Variants in IL2RA observed in about 807,000 individuals in gnomAD.
IL2RA encodes the protein interleukin-2 receptor subunit alpha.
IL2RA carries 24 observed loss-of-function variants against 37.8 expected under a neutral mutation model. The observed-to-expected ratio is 0.63, with a 90% confidence interval of 0.46 to 0.89. The LOEUF (loss-of-function observed/expected upper bound fraction) is 0.89, where lower values mean the gene tolerates loss of function less well. IL2RA is among the 40% of genes least tolerant of loss of function. The probability of loss-of-function intolerance (pLI) is 0.00; values close to 1 mark genes in which losing one functional copy is unlikely to be tolerated. For missense variants in IL2RA, 319 were observed against 348.6 expected, an observed-to-expected ratio of 0.92 and a Z score of 0.68; for synonymous variants, 125 against 114.6, an observed-to-expected ratio of 1.09 and a Z score of -0.58.
chr10:6,033,480 A>T lies in IL2RA; in HGVS notation c.65-7455T>A, dbSNP rs931775431. 2.6e-5 allele frequency among the ~76,000 whole-genome samples: 4 copies of T among 152,224 alleles called. No individual in the cohort carries two copies. Among genetic ancestry groups the T allele is most frequent in the African/African-American group, 7.2e-5 (3 of 41,466 alleles). ...ATATTTATAGTAACTTCTTTCTTTT[A>T]TTAAGCCCCTTCCATTCTAGTACAT... On this transcript the variant is annotated intron_variant, in intron 1 of 7. Coordinates refer to ENST00000379959, the MANE Select transcript of IL2RA (RefSeq NM_000417.3). This position sits in a 1 kb window ranked among gnomAD's most constrained non-coding sequence, Gnocchi z 4.3.
At position 6,020,931 on chromosome 10, in the gene IL2RA, ATGTG is replaced by A. The variant is rs59002005; in HGVS notation, c.583+543_583+546del. On this transcript the variant is annotated intron_variant, in intron 4 of 7. Coordinates refer to ENST00000379959, the MANE Select transcript of IL2RA (RefSeq NM_000417.3). This position sits in a 1 kb window ranked among gnomAD's most constrained non-coding sequence, Gnocchi z 5.6. Reference sequence around the variant, plus strand: ...CGGTGGGCTGAGCATTTGCATGAGTATGTGTGTGTGTGTGTGTGTGTGCGCGCAT... The same window carrying A: ...CGGTGGGCTGAGCATTTGCATGAGTATGTGTGTGTGTGTGTGTGCGCGCAT... 0.018 allele frequency among the ~76,000 whole-genome samples: 2,651 copies of A among 149,820 alleles called. 73 individuals carry two copies. Among genetic ancestry groups the A allele is most frequent in the African/African-American group, 0.06 (2,447 of 40,994 alleles).
chr10:6,060,671 T>C (rs1840109558), intron 1 of IL2RA, among the ~76,000 whole-genome samples: 1 of 152,018 alleles, frequency 6.6e-6, no homozygotes. Flanking sequence ...GCACGAGAAT[T>C]ACTTGAGCCC....
chr10:6,039,444 G>A (rs1057466003), intron 1 of IL2RA: 1 of 152,086 alleles, frequency 6.6e-6, no homozygotes, highest in African/African-American at 2.4e-5. Flanking sequence ...CTTTATGATG[G>A]ATAGGACAGA....
chr10:6,045,909 A>G (rs917485995), intron 1 of IL2RA, among the ~76,000 whole-genome samples: 1 of 152,198 alleles, frequency 6.6e-6, no homozygotes, highest in Admixed American at 6.5e-5. Flanking sequence ...AGTCATCAAA[A>G]ATGATGGCAA....
At chr10:6,040,042 T>C (rs1839747521) in intron 1 of IL2RA, among the ~76,000 whole-genome samples, 1 of 152,202 alleles carries the variant, frequency 6.6e-6, no homozygotes, top group South Asian at 2.1e-4. Context: ...TACAAGAGAC[T>C]ACAGGTAGAA....
chr10:6,041,909 ATT>A (rs1189069766), intron 1 of IL2RA, among the ~76,000 whole-genome samples: 1 of 152,112 alleles, frequency 6.6e-6, no homozygotes, highest in East Asian at 1.9e-4. Flanking sequence ...AACAATACAT[ATT>A]GTTGATAAGG....
At chr10:6,034,830 C>T (rs1391991400) in intron 1 of IL2RA, among the ~76,000 whole-genome samples, 1 of 152,222 alleles carries the variant, frequency 6.6e-6, no homozygotes, top group Non-Finnish European at 1.5e-5. Flanking sequence ...ACGCACTCCC[C>T]CAGCTCACAC....
rs527525530 is a variant in IL2RA at position 6,018,352 on chromosome 10, C to A, written c.728-233G>T. The stretch of plus-strand genomic sequence containing the variant: ...AGGGAGCTTCCCCTCAGGAGGCACC[C>A]TTCTCTCACAAAAGCCCCTCAGAAA... On this transcript the variant is annotated intron_variant, in intron 6 of 7. Coordinates refer to ENST00000379959, the MANE Select transcript of IL2RA (RefSeq NM_000417.3). The surrounding 1 kb of genome is among the most constrained non-coding windows in gnomAD (Gnocchi z 5.1). 3.9e-5 allele frequency among the ~76,000 whole-genome samples: 6 copies of A among 152,050 alleles called. No homozygotes were observed. The highest frequency in any genetic ancestry group is 1.4e-4 in the African/African-American group (6 of 41,386).
chr10:6,029,795 C>T lies in IL2RA; in HGVS notation c.65-3770G>A, dbSNP rs548725973. Among the ~76,000 whole-genome samples the T allele has an allele frequency of 6.6e-6, 1 of 152,094 alleles. No homozygotes were observed. The highest frequency in any genetic ancestry group is 1.5e-5 in the Non-Finnish European group (1 of 68,006). On this transcript the variant is annotated intron_variant, in intron 1 of 7. Transcript: ENST00000379959. The surrounding 1 kb of genome is among the most constrained non-coding windows in gnomAD (Gnocchi z 4.6). ...TCTTGGCTCACTGAAACCTCTGCCT[C>T]CCAGATTCAAGTGATTCTTCTGCCT...
chr10:6,018,781 A>G lies in IL2RA; in HGVS notation c.727+647T>C, dbSNP rs1466506139. Among the ~76,000 whole-genome samples the G allele has an allele frequency of 6.6e-6, 1 of 152,128 alleles. No individual in the cohort carries two copies. Among genetic ancestry groups the G allele is most frequent in the East Asian group, 1.9e-4 (1 of 5,192 alleles). On this transcript the variant is annotated intron_variant, in intron 6 of 7. Transcript: ENST00000379959. The surrounding 1 kb of genome is among the most constrained non-coding windows in gnomAD (Gnocchi z 5.1). ...AATTCTGAGTTACGTCAGTATCTGG[A>G]TTAGTCTTTCACTCACACATTCTGC...
chr10:6,019,584 G>T lies in IL2RA; in HGVS notation c.656-85C>A, dbSNP rs866083954. The stretch of plus-strand genomic sequence containing the variant: ...CTAAAGGAAGTCAGGGTGTCTCTGT[G>T]AATGAGAAGCTCAGAGGCTGGTGGG... On this transcript the variant is annotated intron_variant, in intron 5 of 7. Transcript: ENST00000379959. 3.9e-6 allele frequency: 4 copies of T among 1,033,438 alleles called. No homozygotes were observed. The African/African-American group carries it at 4.7e-5, about 12-fold the overall frequency. 64.0% of individuals were successfully genotyped at this position (1,033,438 alleles called of 1,614,324 possible). A position where few individuals can be genotyped will look rare whatever the true frequency, so the allele number is the denominator to read the frequency against.
chr10:6,062,321 G>C lies in IL2RA; in HGVS notation c.-170C>G. 1 of 606,390 alleles carries C rather than the reference G, an allele frequency of 1.6e-6. No individual in the cohort carries two copies. The highest frequency in any genetic ancestry group is 1.9e-5 in the South Asian group (1 of 53,502). 37.6% of individuals were successfully genotyped at this position (606,390 alleles called of 1,614,324 possible). A position where few individuals can be genotyped will look rare whatever the true frequency, so the allele number is the denominator to read the frequency against. The stretch of plus-strand genomic sequence containing the variant: ...TCCATCCAGTCTCTATCGGAGTCAG[G>C]AGTTGCTCTCTTTAAGTATTGGGCT... On this transcript the variant is annotated 5_prime_UTR_variant, in exon 1 of 8. Transcript: ENST00000379959.
At position 6,011,171 on chromosome 10, in the gene IL2RA, T is replaced by C. The variant is rs1259114643; in HGVS notation, c.*1701A>G. ...TAGTTTCCCAAATGAATAATTTTCG[T>C]TAATGTTAATCGTGTGATGTTGTTG... On this transcript the variant is annotated 3_prime_UTR_variant, in exon 8 of 8. Transcript: ENST00000379959. This position sits in a 1 kb window ranked among gnomAD's most constrained non-coding sequence, Gnocchi z 5.2. 1 of 152,344 alleles carries C rather than the reference T, an allele frequency of 6.6e-6. No homozygotes were observed. Among genetic ancestry groups the C allele is most frequent in the Non-Finnish European group, 1.5e-5 (1 of 68,046 alleles). 9.4% of individuals were successfully genotyped at this position (152,344 alleles called of 1,614,324 possible). A position where few individuals can be genotyped will look rare whatever the true frequency, so the allele number is the denominator to read the frequency against.
At chr10:6,049,108 G>A (rs1453172025) in intron 1 of IL2RA, among the ~76,000 whole-genome samples, 4 of 152,366 alleles carry the variant, frequency 2.6e-5, no homozygotes, top group African/African-American at 9.6e-5. Flanking sequence ...CCCACAATAT[G>A]CCAGCTGGAG....
At chr10:6,034,442 A>ATT (rs12722530) in intron 1 of IL2RA, among the ~76,000 whole-genome samples, 1 of 149,976 alleles carries the variant, frequency 6.7e-6, no homozygotes, top group Non-Finnish European at 1.5e-5. Flanking sequence ...TAAATTTGGG[A>ATT]TTTTTTTTTT....
chr10:6,035,719 C>T lies in IL2RA; in HGVS notation c.65-9694G>A, dbSNP rs1459896309. Among the ~76,000 whole-genome samples, 1 of 152,128 alleles carries T rather than the reference C, an allele frequency of 6.6e-6. No individual in the cohort carries two copies. Among genetic ancestry groups the T allele is most frequent in the African/African-American group, 2.4e-5 (1 of 41,410 alleles). On this transcript the variant is annotated intron_variant, in intron 1 of 7. Transcript: ENST00000379959. This position sits in a 1 kb window ranked among gnomAD's most constrained non-coding sequence, Gnocchi z 5.4. ...CAGTGATCATTAATCCTGAAAATGC[C>T]GAGGGCTTTGGCCTGGGACCCACAC... is the stretch of plus-strand genomic sequence containing the variant.
intron 1 of IL2RA, among the ~76,000 whole-genome samples, chr10:6,032,474 C>T (rs1485049318): frequency 2.0e-5 from 3 of 151,968 alleles, no homozygotes; most frequent in Non-Finnish European, 4.4e-5. Flanking sequence ...GGGCAGATCA[C>T]AAGGTCAGGA....
intron 1 of IL2RA, among the ~76,000 whole-genome samples, chr10:6,031,505 T>C (rs1341737284): frequency 4.7e-5 from 4 of 84,940 alleles, no homozygotes; most frequent in South Asian, 3.7e-4. Flanking sequence ...TATATATATA[T>C]ATATATGTAT....
intron 1 of IL2RA, among the ~76,000 whole-genome samples, chr10:6,053,056 A>G (rs1441749740): frequency 6.6e-6 from 1 of 152,128 alleles, no homozygotes. Context: ...CACTGCATGT[A>G]CCTGGGGCTG....
Sources: gnomAD v4.1 joint callset for allele counts (sites outside exome capture counted in the v4.1 genomes callset) on GRCh38, gnomAD v4.1.1 for gene constraint, Gnocchi (gnomAD v3.1) non-coding constraint, MANE v1.5 for transcripts, NCBI Gene and HGNC (gene_info 2026-07-23, HGNC 2026-07-21) for gene names.